P2RY8: variants seen among roughly 807,000 people sequenced by gnomAD.
P2RY8 encodes S-geranylgeranyl-glutathione receptor P2RY8.
P2RY8 carries 6 observed loss-of-function variants against 10.0 expected under a neutral mutation model. The ratio of observed to expected loss-of-function variants is 0.60; its 90% CI spans 0.33 to 1.19. The LOEUF (loss-of-function observed/expected upper bound fraction) is 1.19, where lower values mean the gene tolerates loss of function less well. P2RY8 is among the 50% of genes most tolerant of loss of function. The pLI, the probability that P2RY8 is intolerant of heterozygous loss-of-function variation, is 0.04. For missense variants in P2RY8, 456 were observed against 542.0 expected, an observed-to-expected ratio of 0.84 and a Z score of 1.58; for synonymous variants, 276 against 252.5, an observed-to-expected ratio of 1.09 and a Z score of -0.88.
Position 1,480,558 on chromosome X carries a change from A to T in P2RY8, c.-24-13976T>A, listed in dbSNP as rs192444624. Among the ~76,000 whole-genome samples, 7 of 152,182 alleles carry T rather than the reference A, an allele frequency of 4.6e-5. No individual in the cohort carries two copies. The East Asian group carries it at 9.6e-4, about 21-fold the overall frequency. Reference sequence around the variant, plus strand: ...GAAGCTGGAAGCCATCATTCTGAGAAACTAACAGAGGAACAGAAAACCAAA... The same window carrying T: ...GAAGCTGGAAGCCATCATTCTGAGATACTAACAGAGGAACAGAAAACCAAA... On this transcript the variant is annotated intron_variant, in intron 1 of 1. Coordinates refer to ENST00000381297, the MANE Select transcript of P2RY8 (RefSeq NM_178129.5).
intron 1 of P2RY8, among the ~76,000 whole-genome samples, chrX:1,511,919 G>A (rs1603458123): frequency 6.6e-6 from 1 of 152,128 alleles, no homozygotes; most frequent in South Asian, 2.1e-4. Flanking sequence ...ACCCACAATG[G>A]CCAGGTGTGT....
chrX:1,482,595 A>G (rs2091947639), intron 1 of P2RY8, among the ~76,000 whole-genome samples: 1 of 152,044 alleles, frequency 6.6e-6, no homozygotes, highest in African/African-American at 2.4e-5. Flanking sequence ...TCTTCTAGGG[A>G]TTTTATGGTT....
rs1474048052 is a variant in P2RY8 at position 1,482,158 on chromosome X, GTGGT to G, written c.-24-15580_-24-15577del. Among the ~76,000 whole-genome samples, 11 of 113,542 alleles carry G rather than the reference GTGGT, an allele frequency of 9.7e-5. No homozygotes were observed. In the South Asian group the frequency reaches 2.1e-3, roughly 22 times the overall value. 74.5% of individuals were successfully genotyped at this position (113,542 alleles called of 152,430 possible). A position where few individuals can be genotyped will look rare whatever the true frequency, so the allele number is the denominator to read the frequency against. Reference sequence around the variant, plus strand: ...TTTGAAACAAAATTAATTTGTGTGTGTGGTGTGTGTGTGTGTGTGTGTGTGTGTG... The same window carrying G: ...TTTGAAACAAAATTAATTTGTGTGTGGTGTGTGTGTGTGTGTGTGTGTGTG... On this transcript the variant is annotated intron_variant, in intron 1 of 1. Coordinates refer to ENST00000381297, the MANE Select transcript of P2RY8 (RefSeq NM_178129.5).
intron 1 of P2RY8, among the ~76,000 whole-genome samples, chrX:1,472,319 T>C (rs1446911989): frequency 6.6e-6 from 1 of 151,042 alleles, no homozygotes; most frequent in Admixed American, 6.6e-5. Context: ...CATGGAAAGA[T>C]GAAGACAGAG....
At chrX:1,526,100 A>G (rs1175252203) in intron 1 of P2RY8, among the ~76,000 whole-genome samples, 1 of 151,330 alleles carries the variant, frequency 6.6e-6, no homozygotes, top group Non-Finnish European at 1.5e-5. Context: ...CCATTTATCA[A>G]TACACCCACT....
At chrX:1,514,065 C>T (rs1173245734) in intron 1 of P2RY8, among the ~76,000 whole-genome samples, 2 of 152,198 alleles carry the variant, frequency 1.3e-5, no homozygotes, top group African/African-American at 4.8e-5. Flanking sequence ...GAACCCACTA[C>T]ACATAGCGTT....
In P2RY8 at chrX:1,496,708, T is replaced by C. The variant is rs2092120249; in HGVS notation, c.-24-30126A>G. On this transcript the variant is annotated intron_variant, in intron 1 of 1. Coordinates refer to ENST00000381297, the MANE Select transcript of P2RY8 (RefSeq NM_178129.5). ...GGAGTTTTTTTTCTTTCTTTCTTTC[T>C]TTTTTGTGAGATGGAGTCTCACTCT... Among the ~76,000 whole-genome samples, 3 of 150,752 alleles carry C rather than the reference T, an allele frequency of 2.0e-5. 1 individual carries two copies. The South Asian group carries it at 6.3e-4, about 32-fold the overall frequency.
In P2RY8 at chrX:1,500,221, TCTAA is replaced by T. The variant is rs1451446240; in HGVS notation, c.-24-33643_-24-33640del. On this transcript the variant is annotated intron_variant, in intron 1 of 1. Transcript: ENST00000381297. ...TACAAATCTACTTTCATGATTAATTTCTAACTGTTTTATTCTTTTTGGTGTTATT... is the reference window on the plus strand; with the variant it reads ...TACAAATCTACTTTCATGATTAATTTCTGTTTTATTCTTTTTGGTGTTATT... Among the ~76,000 whole-genome samples the T allele has an allele frequency of 1.1e-4, 16 of 152,174 alleles. No homozygotes were observed. The South Asian group carries it at 2.1e-3, about 20-fold the overall frequency.
chrX:1,526,407 A>T (rs1245841929), intron 1 of P2RY8, among the ~76,000 whole-genome samples: 1 of 151,290 alleles, frequency 6.6e-6, no homozygotes, highest in Non-Finnish European at 1.5e-5. Flanking sequence ...CCATTCATTT[A>T]TTCATGCATC....
intron 1 of P2RY8, among the ~76,000 whole-genome samples, chrX:1,475,276 T>G (rs2091862826): frequency 7.2e-6 from 1 of 138,454 alleles, no homozygotes. Flanking sequence ...GATGGATGAG[T>G]GGGTAGATGG....
At chrX:1,527,656 CTTCATTCA>C (rs1233027262) in intron 1 of P2RY8, among the ~76,000 whole-genome samples, 49 of 151,176 alleles carry the variant, frequency 3.2e-4, no homozygotes, top group African/African-American at 1.1e-3. Flanking sequence ...CCAATCATCC[CTTCATTCA>C]TTCATTCATC....
At chrX:1,484,541 A>C (rs763896419) in intron 1 of P2RY8, among the ~76,000 whole-genome samples, 3 of 151,756 alleles carry the variant, frequency 2.0e-5, no homozygotes, top group Admixed American at 2.0e-4. Context: ...CCTGGTCAAC[A>C]AGGCAAAGCC....
At chrX:1,471,464 C>A (rs773913352) in intron 1 of P2RY8, among the ~76,000 whole-genome samples, 1 of 96,372 alleles carries the variant, frequency 1.0e-5, no homozygotes, top group Non-Finnish European at 2.1e-5. Flanking sequence ...ACACCCAGCC[C>A]ATTTTTTTTT....
intron 1 of P2RY8, among the ~76,000 whole-genome samples, chrX:1,471,390 C>A (rs1303237026): frequency 6.5e-5 from 9 of 138,234 alleles, no homozygotes; most frequent in African/African-American, 2.4e-4. Flanking sequence ...AAACTCCTGA[C>A]CTCTGATGTA....
At chrX:1,491,080 T>G (rs1172035980) in intron 1 of P2RY8, among the ~76,000 whole-genome samples, 2 of 149,374 alleles carry the variant, frequency 1.3e-5, no homozygotes, top group African/African-American at 5.0e-5. Context: ...TACCCAGATA[T>G]TCCCTGCAAA....
chrX:1,519,334 T>G, intron 1 of P2RY8, among the ~76,000 whole-genome samples: 1 of 150,410 alleles, frequency 6.6e-6, no homozygotes, highest in East Asian at 2.0e-4. Flanking sequence ...TAATAATCTC[T>G]CTGGTCTCCA....
chrX:1,511,970 G>T (rs2092300295), intron 1 of P2RY8, among the ~76,000 whole-genome samples: 1 of 152,150 alleles, frequency 6.6e-6, no homozygotes. Flanking sequence ...TGCCTTCGGT[G>T]ATATGGGGGC....
At chrX:1,489,778 G>C (rs1457375569) in intron 1 of P2RY8, among the ~76,000 whole-genome samples, 11 of 139,302 alleles carry the variant, frequency 7.9e-5, no homozygotes, top group Middle Eastern at 3.6e-3. Flanking sequence ...TTCTGCAAAT[G>C]TAGAGAGAAT....
At chrX:1,523,844 C>T (rs1386997145) in intron 1 of P2RY8, among the ~76,000 whole-genome samples, 3 of 152,030 alleles carry the variant, frequency 2.0e-5, no homozygotes, top group Admixed American at 6.6e-5. Context: ...CCACCACGCC[C>T]GGCTAATTTT....
Sources: allele counts gnomAD v4.1 joint callset (sites outside exome capture counted in the v4.1 genomes callset), GRCh38; gene constraint gnomAD v4.1.1; transcripts MANE v1.5; gene names NCBI Gene and HGNC (gene_info 2026-07-23, HGNC 2026-07-21).